SYNPO: variants seen among roughly 807,000 people sequenced by gnomAD.
The protein encoded by SYNPO is synaptopodin.
Under a neutral mutation model 49.5 loss-of-function variants are expected in SYNPO, and 19 were observed. The observed-to-expected ratio is 0.38, with a 90% CI of 0.27 to 0.56. The LOEUF is 0.56. SYNPO is among the 20% of genes least tolerant of loss of function. The probability of loss-of-function intolerance (pLI) is 0.68; values close to 1 mark genes in which losing one functional copy is unlikely to be tolerated. For missense variants in SYNPO, 1,131 were observed against 1,248.3 expected, an observed-to-expected ratio of 0.91 and a Z score of 1.42; for synonymous variants, 536 against 548.0, an observed-to-expected ratio of 0.98 and a Z score of 0.31.
In SYNPO at chr5:150,649,903, C is replaced by A. The variant is rs1362230941; in HGVS notation, c.1628C>A (p.Ser543Tyr). 7 of 1,611,314 alleles carry A rather than the reference C, an allele frequency of 4.3e-6. No individual in the cohort carries two copies. The highest frequency in any genetic ancestry group is 5.1e-6 in the Non-Finnish European group (6 of 1,180,022). The change falls in exon 2 of 3, where the codon TCC (serine) becomes TAC (tyrosine). Residue 543 changes from serine (S) to tyrosine (Y), a missense_variant. Coordinates refer to ENST00000307662, the MANE Select transcript of SYNPO (RefSeq NM_007286.6). ...SRSPARTPPA[S>Y]LYHGYLPENG... The stretch of plus-strand genomic sequence containing the variant: ...AGCCCAGCCCGGACCCCGCCTGCCT[C>A]CCTCTACCATGGCTACCTGCCTGAG...
At chr5:150,634,448 G>T (rs534896798) in intron 2 of SYNPO, among the ~76,000 whole-genome samples, 2 of 152,222 alleles carry the variant, frequency 1.3e-5, no homozygotes, top group Admixed American at 6.5e-5. Flanking sequence ...GAGGATGCTG[G>T]TGGTGGTGCT....
At chr5:150,593,389 C>G in the SYNPO span, among the ~76,000 whole-genome samples, 1 of 152,218 alleles carries the variant, frequency 6.6e-6, no homozygotes, top group Non-Finnish European at 1.5e-5. Flanking sequence ...ATTTGTTGTG[C>G]AGCTTCAGGC....
At chr5:150,637,395 A>G (rs1206084479), upstream of SYNPO, among the ~76,000 whole-genome samples, 1 of 152,202 alleles carries the variant, frequency 6.6e-6, no homozygotes, top group Non-Finnish European at 1.5e-5. Context: ...ATAAAACAAC[A>G]TGATGAAAAA....
At chr5:150,650,755 C>A (rs1478060742) in intron 2 of SYNPO, 2 of 1,299,862 alleles carry the variant, frequency 1.5e-6, no homozygotes, top group African/African-American at 3.0e-5. Context: ...GTCAGCCAGC[C>A]GAGGGTCTGC....
chr5:150,624,009 A>G lies in SYNPO; in HGVS notation c.400+5242A>G, dbSNP rs562839739. On this transcript the variant is annotated intron_variant, in intron 2 of 2. Coordinates refer to the SYNPO transcript ENST00000394243. Reference sequence around the variant, plus strand: ...GAATGTGGGTATCTGGACTTTTAACAGCATCCCACGTGACTCTGATGTACA... The same window carrying G: ...GAATGTGGGTATCTGGACTTTTAACGGCATCCCACGTGACTCTGATGTACA... Among the ~76,000 whole-genome samples, 57 of 152,336 alleles carry G rather than the reference A, an allele frequency of 3.7e-4. No homozygotes were observed. In the South Asian group the frequency reaches 0.011, roughly 29 times the overall value.
In SYNPO at chr5:150,656,904, C is replaced by T. The variant is rs750956245; in HGVS notation, c.2529C>T (p.Pro843=). The T allele has an allele frequency of 8.2e-6, 13 of 1,577,028 alleles. No homozygotes were observed. In the Admixed American group the frequency reaches 1.6e-4, roughly 20 times the overall value. Residue 843 remains proline, a synonymous_variant, in exon 3 of 3, where the codon CCC becomes CCT. Coordinates refer to ENST00000307662, the MANE Select transcript of SYNPO (RefSeq NM_007286.6). ...GCACCAGTCCCCGGAGCCCGCTGCC[C>T]GCGCCTCCCAGGCCCTTCCTCTACC... The part of the protein sequence containing the change: ...SSCTSPRSPL[P]APPRPFLYRR...
upstream of SYNPO, among the ~76,000 whole-genome samples, chr5:150,637,138 C>T (rs1228160666): frequency 2.6e-5 from 4 of 152,138 alleles, no homozygotes; most frequent in South Asian, 6.2e-4. Context: ...AATAGGATGC[C>T]TTGCTGAGCC....
upstream of SYNPO, among the ~76,000 whole-genome samples, chr5:150,598,120 C>T (rs887177423): frequency 2.6e-5 from 4 of 152,154 alleles, no homozygotes; most frequent in African/African-American, 9.7e-5. Flanking sequence ...ACGGGTAGGG[C>T]TCGCCAGACC....
rs369728871 is a variant in SYNPO at position 150,656,828 on chromosome 5, C to T, written c.2453C>T (p.Ala818Val). The change falls in exon 3 of 3, where the codon GCA (alanine) becomes GTA (valine). Residue 818 changes from alanine (A) to valine (V), a missense_variant. This residue lies in a region of SYNPO where 509 missense variants were observed against 484.5 expected (regional missense o/e 1.05). Coordinates refer to ENST00000307662, the MANE Select transcript of SYNPO (RefSeq NM_007286.6). ...ARPGSAAVPG[A>V]AFAPIPRSPL... ...CCCGGCTCGGCTGCTGTGCCGGGGG[C>T]AGCCTTCGCGCCCATCCCGCGGAGC... The T allele has an allele frequency of 4.2e-5, 61 of 1,469,204 alleles. No homozygotes were observed. In the East Asian group the frequency reaches 5.2e-4, roughly 13 times the overall value. 91.0% of individuals were successfully genotyped at this position (1,469,204 alleles called of 1,614,324 possible). A position where few individuals can be genotyped will look rare whatever the true frequency, so the allele number is the denominator to read the frequency against.
Position 150,657,935 on chromosome 5 carries a change from T to G in SYNPO, c.*848T>G, listed in dbSNP as rs1295898832. 1 of 152,454 alleles carries G rather than the reference T, an allele frequency of 6.6e-6. No individual in the cohort carries two copies. The highest frequency in any genetic ancestry group is 2.4e-5 in the African/African-American group (1 of 41,468). 9.4% of individuals were successfully genotyped at this position (152,454 alleles called of 1,614,324 possible). A position where few individuals can be genotyped will look rare whatever the true frequency, so the allele number is the denominator to read the frequency against. The stretch of plus-strand genomic sequence containing the variant: ...CCAGGACTTGGGCCTCCAGCTCATC[T>G]GTTCCTTCTGGGCCCATTCATGGCA... On this transcript the variant is annotated 3_prime_UTR_variant, in exon 3 of 3. Transcript: ENST00000307662.
At chr5:150,623,195 T>C (rs1262779555) in intron 2 of SYNPO, among the ~76,000 whole-genome samples, 2 of 152,190 alleles carry the variant, frequency 1.3e-5, no homozygotes, top group South Asian at 2.1e-4. Context: ...GTGAAAAGCA[T>C]GTTCTTTTCT....
intron 2 of SYNPO, among the ~76,000 whole-genome samples, chr5:150,620,899 CTCTT>C (rs60102848): frequency 0.072 from 7,878 of 108,664 alleles, 286 homozygotes; most frequent in Admixed American, 0.091. Context: ...TTCTTTTTTT[CTCTT>C]TCTTTCTTTC....
In SYNPO at chr5:150,613,410, C is replaced by T. The variant is rs1756903355; in HGVS notation, c.-265-4693C>T. ...GCCCGCCTCGTTCTTCAGAGTCATC[C>T]CCAGTGGTCCTGCCTTCTTGCCTTC... On this transcript the variant is annotated intron_variant, in intron 1 of 2. Transcript: ENST00000394243. 2.0e-5 allele frequency among the ~76,000 whole-genome samples: 3 copies of T among 152,312 alleles called. No individual in the cohort carries two copies. In the South Asian group the frequency reaches 6.2e-4, roughly 32 times the overall value.
intron 2 of SYNPO, among the ~76,000 whole-genome samples, chr5:150,630,564 G>C (rs531729537): frequency 5.6e-4 from 86 of 152,272 alleles, no homozygotes; most frequent in African/African-American, 1.9e-3. Context: ...ACTGTCACGC[G>C]CACGGAGAAC....
At chr5:150,644,514 C>T (rs940150203) in intron 1 of SYNPO, among the ~76,000 whole-genome samples, 2 of 152,190 alleles carry the variant, frequency 1.3e-5, no homozygotes, top group Non-Finnish European at 2.9e-5. Flanking sequence ...CAATTGCCAG[C>T]TTATGCCAGG....
intron 2 of SYNPO, among the ~76,000 whole-genome samples, chr5:150,620,899 CTCTTTCTTTCTTTCTTTCTTTCTTTCTT>C (rs60102848): frequency 9.2e-5 from 10 of 108,922 alleles, no homozygotes; most frequent in African/African-American, 3.1e-4. Flanking sequence ...TTCTTTTTTT[CTCTTTCTTTCTTTCTTTCTTTCTTTCTT>C]TCTTTCTTTC....
rs562771503 is a variant in SYNPO at position 150,629,771 on chromosome 5, A to G, written c.400+11004A>G. 2.6e-5 allele frequency among the ~76,000 whole-genome samples: 4 copies of G among 152,168 alleles called. No individual in the cohort carries two copies. In the South Asian group the frequency reaches 8.3e-4, roughly 32 times the overall value. On this transcript the variant is annotated intron_variant, in intron 2 of 2. Transcript: ENST00000394243. Reference sequence around the variant, plus strand: ...GCTTTAAGTTCTTTACGCATCAACAACTCCATGAGGTGAGTACTGTTATTA... The same window carrying G: ...GCTTTAAGTTCTTTACGCATCAACAGCTCCATGAGGTGAGTACTGTTATTA...
chr5:150,658,155 C>A lies in SYNPO; in HGVS notation c.*1068C>A, dbSNP rs1167195737. The A allele has an allele frequency of 1.3e-5, 2 of 152,202 alleles. No homozygotes were observed. The highest frequency in any genetic ancestry group is 1.3e-4 in the Admixed American group (2 of 15,278). 9.4% of individuals were successfully genotyped at this position (152,202 alleles called of 1,614,324 possible). On this transcript the variant is annotated 3_prime_UTR_variant, in exon 3 of 3. Transcript: ENST00000307662. ...AGGGGACAGGATTGGCTCAGATGAC[C>A]CCTGAGGGCTCTTCCAGTCTTGAAA...
chr5:150,642,149 T>C (rs1416088116), intron 1 of SYNPO, among the ~76,000 whole-genome samples: 3 of 152,256 alleles, frequency 2.0e-5, no homozygotes, highest in African/African-American at 7.2e-5. Context: ...TGCACAGCAC[T>C]GAGCCTGGGC....
Sources: allele counts gnomAD v4.1 joint callset (sites outside exome capture counted in the v4.1 genomes callset), GRCh38; gene constraint gnomAD v4.1.1; regional missense constraint gnomAD v4.1.1; transcripts MANE v1.5; gene names NCBI Gene and HGNC (gene_info 2026-07-23, HGNC 2026-07-21).